BMPR1B: variants seen among roughly 807,000 people sequenced by gnomAD.
BMPR1B encodes the protein bone morphogenetic protein receptor type 1B.
BMPR1B carries 12 observed loss-of-function variants against 59.1 expected under a neutral mutation model. The ratio of observed to expected loss-of-function variants is 0.20; its 90% CI spans 0.13 to 0.33. BMPR1B has a LOEUF of 0.33. Ranked by LOEUF, BMPR1B falls within the 10% of genes least tolerant of loss-of-function variation. BMPR1B has a pLI of 1.00. For synonymous variants in BMPR1B, 237 were observed against 207.3 expected (o/e 1.14, Z -1.23); for missense variants, 550 against 610.9 (o/e 0.90, Z 1.05).
intron 3 of BMPR1B, among the ~76,000 whole-genome samples, chr4:95,101,029 CAGA>C (rs1183492152): frequency 2.0e-5 from 3 of 152,104 alleles, no homozygotes; most frequent in Non-Finnish European, 4.4e-5. Flanking sequence ...GAATGGATCA[CAGA>C]AGAACTGACT....
intron 3 of BMPR1B, among the ~76,000 whole-genome samples, chr4:95,093,669 G>A (rs1730162954): frequency 6.6e-6 from 1 of 151,976 alleles, no homozygotes; most frequent in Non-Finnish European, 1.5e-5. Flanking sequence ...AGGTCTCTTG[G>A]CAGGGTTTTT....
At chr4:94,989,218 G>A (rs1721589171) in intron 2 of BMPR1B, among the ~76,000 whole-genome samples, 2 of 151,584 alleles carry the variant, frequency 1.3e-5, no homozygotes, top group Admixed American at 6.6e-5. Context: ...GTGAAACCCC[G>A]TCTCTACTAA....
intron 3 of BMPR1B, among the ~76,000 whole-genome samples, chr4:95,021,188 G>A (rs2149136972): frequency 6.6e-6 from 1 of 152,280 alleles, no homozygotes; most frequent in South Asian, 2.1e-4. Flanking sequence ...ATGGGAAATA[G>A]CAGTTACAAA....
At chr4:95,124,669 G>C (rs1383898093) in intron 7 of BMPR1B, among the ~76,000 whole-genome samples, 1 of 151,868 alleles carries the variant, frequency 6.6e-6, no homozygotes, top group Non-Finnish European at 1.5e-5. Context: ...TAATATTGGA[G>C]CTATTTAGAA....
At chr4:94,894,246 G>A (rs1727502878) in intron 2 of BMPR1B, among the ~76,000 whole-genome samples, 1 of 152,008 alleles carries the variant, frequency 6.6e-6, no homozygotes. Flanking sequence ...GGTACTCATT[G>A]TGTGTTGGAG....
intron 1 of BMPR1B, among the ~76,000 whole-genome samples, chr4:94,765,712 G>A (rs1243711862): frequency 1.3e-5 from 2 of 152,180 alleles, no homozygotes; most frequent in African/African-American, 4.8e-5. Flanking sequence ...GGGGTTTGAG[G>A]TAATATGAGC....
intron 3 of BMPR1B, among the ~76,000 whole-genome samples, chr4:95,057,703 T>C (rs1727036863): frequency 6.6e-6 from 1 of 152,136 alleles, no homozygotes; most frequent in Non-Finnish European, 1.5e-5. Context: ...GTTTGGATTA[T>C]ATTGACAATC....
chr4:94,974,069 A>T (rs1030643743), intron 2 of BMPR1B, among the ~76,000 whole-genome samples: 1 of 152,168 alleles, frequency 6.6e-6, no homozygotes, highest in African/African-American at 2.4e-5. Context: ...TGAGCACTGA[A>T]TATTATTAAA....
At chr4:94,847,092 T>C (rs947161818) in intron 1 of BMPR1B, among the ~76,000 whole-genome samples, 1 of 152,054 alleles carries the variant, frequency 6.6e-6, no homozygotes, top group Non-Finnish European at 1.5e-5. Flanking sequence ...GGCTCAAACA[T>C]TGAATGGGAA....
At chr4:95,128,099 T>G (rs1438235824) in intron 8 of BMPR1B, among the ~76,000 whole-genome samples, 1 of 152,102 alleles carries the variant, frequency 6.6e-6, no homozygotes, top group Non-Finnish European at 1.5e-5. Context: ...TTGCCCAGGC[T>G]GGTCTTGAAC....
Position 94,879,890 on chromosome 4 carries a change from C to A in BMPR1B, c.-113+3990C>A, listed in dbSNP as rs547595580. On this transcript the variant is annotated intron_variant, in intron 2 of 12. Transcript: ENST00000515059. Reference sequence around the variant, plus strand: ...AAAAAAACAATGTATATTGAAAATACTGTGGTTAAACCAACCATATGGATC... The same window carrying A: ...AAAAAAACAATGTATATTGAAAATAATGTGGTTAAACCAACCATATGGATC... Among the ~76,000 whole-genome samples, 151 of 152,170 alleles carry A rather than the reference C, an allele frequency of 9.9e-4. 2 individuals are homozygous for A. The South Asian group carries it at 0.03, about 30-fold the overall frequency.
intron 10 of BMPR1B, among the ~76,000 whole-genome samples, chr4:95,139,547 C>T (rs1489852387): frequency 6.6e-6 from 1 of 152,216 alleles, no homozygotes; most frequent in East Asian, 1.9e-4. Flanking sequence ...CGTCCTTGAG[C>T]TGCAGTGGGC....
intron 3 of BMPR1B, among the ~76,000 whole-genome samples, chr4:95,007,348 C>A (rs1263017927): frequency 6.6e-6 from 1 of 152,104 alleles, no homozygotes; most frequent in Non-Finnish European, 1.5e-5. Flanking sequence ...TATAGTTATT[C>A]TGTTAGCTTT....
chr4:95,103,991 A>C (rs1731007944), intron 3 of BMPR1B, among the ~76,000 whole-genome samples: 1 of 152,062 alleles, frequency 6.6e-6, no homozygotes, highest in Admixed American at 6.6e-5. Flanking sequence ...TTTGAGTTTA[A>C]ATGCTGGGTC....
At chr4:95,136,737 G>T (rs1296329815) in intron 10 of BMPR1B, among the ~76,000 whole-genome samples, 1 of 152,096 alleles carries the variant, frequency 6.6e-6, no homozygotes, top group Non-Finnish European at 1.5e-5. Flanking sequence ...TTGTATTTCT[G>T]TGGGATCGGT....
intron 2 of BMPR1B, among the ~76,000 whole-genome samples, chr4:94,900,356 A>G (rs1553916800): frequency 6.7e-6 from 1 of 149,566 alleles, no homozygotes; most frequent in Non-Finnish European, 1.5e-5. Flanking sequence ...AAAAAAAAAT[A>G]GCCTAACAGA....
chr4:95,151,571 A>C (rs1406701159), intron 11 of BMPR1B, among the ~76,000 whole-genome samples: 1 of 152,210 alleles, frequency 6.6e-6, no homozygotes, highest in Non-Finnish European at 1.5e-5. Context: ...GGCACAGGAC[A>C]AATGGTGAGT....
At chr4:95,083,331 A>G (rs1477341299) in intron 3 of BMPR1B, among the ~76,000 whole-genome samples, 1 of 152,188 alleles carries the variant, frequency 6.6e-6, no homozygotes, top group Non-Finnish European at 1.5e-5. Context: ...AAAACAGATT[A>G]TAAAGACACA....
At chr4:94,897,889 C>G (rs1727644820) in intron 2 of BMPR1B, among the ~76,000 whole-genome samples, 1 of 150,596 alleles carries the variant, frequency 6.6e-6, no homozygotes, top group African/African-American at 2.4e-5. Context: ...ATTACTGAGT[C>G]CAAGGGTAGG....
Sources: gnomAD v4.1 joint callset for allele counts (sites outside exome capture counted in the v4.1 genomes callset) on GRCh38, gnomAD v4.1.1 for gene constraint, MANE v1.5 for transcripts, NCBI Gene and HGNC (gene_info 2026-07-23, HGNC 2026-07-21) for gene names.